Variants in RAD54L2 observed in about 807,000 individuals in gnomAD.
RAD54L2 encodes helicase ARIP4.
RAD54L2 carries 27 observed loss-of-function variants against 138.4 expected under a neutral mutation model. The ratio of observed to expected loss-of-function variants is 0.20; its 90% CI spans 0.14 to 0.27. The LOEUF is 0.27. Ranked by LOEUF, RAD54L2 falls within the 10% of genes least tolerant of loss-of-function variation. The pLI, the probability that RAD54L2 is intolerant of heterozygous loss-of-function variation, is 1.00. For synonymous variants in RAD54L2, 644 were observed against 723.2 expected, an observed-to-expected ratio of 0.89 and a Z score of 1.76; for missense variants, 1,396 against 1,890.2, an observed-to-expected ratio of 0.74 and a Z score of 4.85.
rs1012197303 is a variant in RAD54L2, at chr3:51,656,257, G to C, written c.3226+87G>C. On this transcript the variant is annotated intron_variant, in intron 20 of 22. Transcript: ENST00000684192. ...AGGAAGTATCTATTAAACACCTTTT[G>C]TATTTCTGGCCTTACTACATTTGGC... 14 of 1,246,736 alleles carry C rather than the reference G, an allele frequency of 1.1e-5. No homozygotes were observed. In the African/African-American group the frequency reaches 1.5e-4, roughly 13 times the overall value. The allele number at this position is 1,246,736 out of a possible 1,614,324, so 77.2% of individuals were successfully genotyped here.
At chr3:51,644,880 C>A in intron 16 of RAD54L2, 144 bp from the exon 17 acceptor site, 1 of 768,294 alleles carries the variant, frequency 1.3e-6, no homozygotes, top group African/African-American at 1.7e-5. Context: ...TACTGTTTAT[C>A]AGCAGGACAG....
intron 2 of RAD54L2, among the ~76,000 whole-genome samples, chr3:51,586,743 T>G (rs1456798242): frequency 3.3e-5 from 5 of 151,804 alleles, no homozygotes; most frequent in African/African-American, 1.2e-4. Context: ...TAATTTTGTA[T>G]TTTTAGTAGA....
At chr3:51,652,764 A>T (rs1045162779) in intron 19 of RAD54L2, among the ~76,000 whole-genome samples, 12 of 152,366 alleles carry the variant, frequency 7.9e-5, no homozygotes, top group South Asian at 4.1e-4. Flanking sequence ...CTTACACCTT[A>T]TACAAAAATC....
At chr3:51,615,273 C>T (rs1477133379) in intron 3 of RAD54L2, among the ~76,000 whole-genome samples, 2 of 152,218 alleles carry the variant, frequency 1.3e-5, no homozygotes, top group Non-Finnish European at 2.9e-5. Context: ...CCTTGGCCTC[C>T]CAAAGGGCTG....
chr3:51,571,754 C>G (rs950709929), intron 2 of RAD54L2, among the ~76,000 whole-genome samples: 25 of 152,096 alleles, frequency 1.6e-4, no homozygotes, highest in South Asian at 4.2e-4. Flanking sequence ...ATGGCATTTT[C>G]TAGTCTTTGA....
chr3:51,607,771 GC>G (rs948364585), intron 3 of RAD54L2, among the ~76,000 whole-genome samples: 1 of 148,782 alleles, frequency 6.7e-6, no homozygotes, highest in Non-Finnish European at 1.5e-5. Context: ...GGGCAGAGGG[GC>G]CCCCCACCTC....
chr3:51,587,367 G>A (rs1222649524), intron 2 of RAD54L2, among the ~76,000 whole-genome samples: 1 of 152,194 alleles, frequency 6.6e-6, no homozygotes, highest in African/African-American at 2.4e-5. Context: ...CTCCCAAAGT[G>A]CTGGGATTAC....
intron 2 of RAD54L2, among the ~76,000 whole-genome samples, chr3:51,565,538 C>T (rs1373335675): frequency 6.6e-6 from 1 of 152,100 alleles, no homozygotes; most frequent in East Asian, 1.9e-4. Flanking sequence ...TGCAGTGGTG[C>T]CGTCTCAGCT....
At chr3:51,575,993 A>G (rs1164482463) in intron 2 of RAD54L2, among the ~76,000 whole-genome samples, 1 of 152,158 alleles carries the variant, frequency 6.6e-6, no homozygotes, top group African/African-American at 2.4e-5. Flanking sequence ...TTTGTCATAA[A>G]TAACTCTTAT....
At chr3:51,601,845 G>T (rs1700088795) in intron 3 of RAD54L2, among the ~76,000 whole-genome samples, 1 of 151,104 alleles carries the variant, frequency 6.6e-6, no homozygotes, top group Non-Finnish European at 1.5e-5. Context: ...CATTTCATGT[G>T]TTTTTTTGTT....
Position 51,661,682 on chromosome 3 carries a change from A to G in RAD54L2, c.3410-744A>G, listed in dbSNP as rs1701778622. On this transcript the variant is annotated intron_variant, in intron 22 of 22. Transcript: ENST00000684192. Reference sequence around the variant, plus strand: ...CCTGCTTTGTATTATGGAAATTTCAAATTTTCATACATACAGAAAAGTTGA... The same window carrying G: ...CCTGCTTTGTATTATGGAAATTTCAGATTTTCATACATACAGAAAAGTTGA... Among the ~76,000 whole-genome samples the G allele has an allele frequency of 3.3e-5, 5 of 152,320 alleles. No individual in the cohort carries two copies. The South Asian group carries it at 1.0e-3, about 32-fold the overall frequency.
At chr3:51,557,686 C>T (rs953092675) in intron 2 of RAD54L2, among the ~76,000 whole-genome samples, 5 of 151,702 alleles carry the variant, frequency 3.3e-5, no homozygotes, top group Middle Eastern at 3.4e-3. Flanking sequence ...AAAAATTAGC[C>T]AGGCATGGTG....
chr3:51,641,963 T>A, intron 15 of RAD54L2, 96 bp downstream of exon 15: 1 of 854,478 alleles, frequency 1.2e-6, no homozygotes, highest in Non-Finnish European at 1.9e-6. Flanking sequence ...CTCCATCAAA[T>A]GCATAGGAAT....
intron 3 of RAD54L2, among the ~76,000 whole-genome samples, chr3:51,592,054 GTTTTTTTTTTTTTTTT>G (rs71084151): frequency 4.5e-5 from 3 of 66,824 alleles, no homozygotes; most frequent in Admixed American, 2.6e-4. Context: ...TGGTTTTGGT[GTTTTTTTTTTTTTTTT>G]TTTTTTTTTT....
chr3:51,645,318 A>C lies in RAD54L2; in HGVS notation c.2656+89A>C. On this transcript the variant is annotated intron_variant, in intron 17 of 22. Transcript: ENST00000684192. This position sits in a 1 kb window ranked among gnomAD's most constrained non-coding sequence, Gnocchi z 6.1. The stretch of plus-strand genomic sequence containing the variant: ...GGGTGGGAGAGGAGCAGGATATGGG[A>C]ACACAGGCAGGCTTCGAGAAAGCCA... 7.5e-7 allele frequency: 1 copy of C among 1,334,624 alleles called. No homozygotes were observed. Among genetic ancestry groups the C allele is most frequent in the South Asian group, 1.3e-5 (1 of 76,136 alleles). The allele number at this position is 1,334,624 out of a possible 1,614,324, so 82.7% of individuals were successfully genotyped here. A position where few individuals can be genotyped will look rare whatever the true frequency, so the allele number is the denominator to read the frequency against.
chr3:51,657,619 A>C lies in RAD54L2; in HGVS notation c.3266A>C (p.Gln1089Pro). 1.3e-6 allele frequency: 2 copies of C among 1,585,620 alleles called. No homozygotes were observed. Among genetic ancestry groups the C allele is most frequent in the Non-Finnish European group, 1.7e-6 (2 of 1,163,812 alleles). ...IPGLNSSTDV[Q>P]ARINAGESIH... Reference sequence around the variant, plus strand: ...GGACTCAACAGCTCCACAGATGTACAGGCAAGAATTAATGCTGGTGAGAGC... The same window carrying C: ...GGACTCAACAGCTCCACAGATGTACCGGCAAGAATTAATGCTGGTGAGAGC... The change falls in exon 21 of 23, where the codon CAG (glutamine) becomes CCG (proline). Residue 1089 changes from glutamine (Q) to proline (P), a missense_variant. This residue lies in a region of RAD54L2 where 634 missense variants were observed against 711.2 expected (regional missense o/e 0.89). Transcript: ENST00000684192.
intron 4 of RAD54L2, 96 bp downstream of exon 4, chr3:51,627,850 C>G: frequency 7.3e-7 from 1 of 1,367,336 alleles, no homozygotes; most frequent in Non-Finnish European, 1.0e-6. Flanking sequence ...TTGGGAAGGA[C>G]AGTTCTCTCT....
At chr3:51,558,189 T>C (rs554301678) in intron 2 of RAD54L2, among the ~76,000 whole-genome samples, 1 of 152,246 alleles carries the variant, frequency 6.6e-6, no homozygotes, top group South Asian at 2.1e-4. Context: ...TAAGGCTCTG[T>C]TTAGGGCAAA....
chr3:51,553,555 A>T lies in RAD54L2; in HGVS notation c.-55+11905A>T, dbSNP rs1366137881. Among the ~76,000 whole-genome samples the T allele has an allele frequency of 2.0e-5, 3 of 152,162 alleles. No individual in the cohort carries two copies. In the East Asian group the frequency reaches 5.8e-4, roughly 29 times the overall value. On this transcript the variant is annotated intron_variant, in intron 2 of 22. Coordinates refer to ENST00000684192, the MANE Select transcript of RAD54L2 (RefSeq NM_015106.4). ...AAAGTTATGTGTACAGGCTTGGCAT[A>T]GTTGCTTATGTCCGTAATTCCAGTA...
Sources: gnomAD v4.1 joint callset for allele counts (sites outside exome capture counted in the v4.1 genomes callset) on GRCh38, gnomAD v4.1.1 for gene constraint, gnomAD v4.1.1 regional missense constraint, Gnocchi (gnomAD v3.1) non-coding constraint, MANE v1.5 for transcripts, NCBI Gene and HGNC (gene_info 2026-07-23, HGNC 2026-07-21) for gene names.